The following CFAP46 variants were observed in gnomAD, a reference collection of about 807,000 sequenced individuals.
The protein encoded by CFAP46 is cilia- and flagella-associated protein 46.
CFAP46 carries 245 observed loss-of-function variants against 325.7 expected under a neutral mutation model. The observed-to-expected ratio is 0.75, with a 90% CI of 0.68 to 0.84. The LOEUF is 0.84. Ranked by LOEUF, CFAP46 falls within the 40% of genes least tolerant of loss-of-function variation. CFAP46 has a pLI of 0.00. For synonymous variants in CFAP46, 1,523 were observed against 1,495.9 expected (o/e 1.02, Z -0.42); for missense variants, 3,346 against 3,543.0 (o/e 0.94, Z 1.41).
intron 39 of CFAP46, among the ~76,000 whole-genome samples, chr10:132,856,848 T>C (rs192307228): frequency 1.3e-5 from 2 of 152,350 alleles, no homozygotes; most frequent in African/African-American, 4.8e-5. Flanking sequence ...TGTCTTCCTT[T>C]GGGGTCTGGT....
rs1849009583 is a variant in CFAP46 at position 132,879,643 on chromosome 10, G to T, written c.3800-12C>A. On this transcript the variant is annotated splice_polypyrimidine_tract_variant and intron_variant, in intron 28 of 57. Coordinates refer to ENST00000368586, the MANE Select transcript of CFAP46 (RefSeq NM_001200049.3). ...AGCCACGTACTCCCCTGAAACACGG[G>T]GTGCCCGAGGCTGAGAGCAGGCCCG... The T allele has an allele frequency of 2.1e-5, 31 of 1,498,610 alleles. No homozygotes were observed. The highest frequency in any genetic ancestry group is 2.6e-5 in the Non-Finnish European group (29 of 1,122,972). 92.8% of individuals were successfully genotyped at this position (1,498,610 alleles called of 1,614,324 possible). A position where few individuals can be genotyped will look rare whatever the true frequency, so the allele number is the denominator to read the frequency against.
chr10:132,811,103 G>C (rs1313489202), intron 55 of CFAP46, 72 bp from the exon 56 acceptor site: 6 of 1,353,156 alleles, frequency 4.4e-6, no homozygotes, highest in Non-Finnish European at 6.1e-6. Context: ...GTGGGCAGGT[G>C]GGGCCTGTGC....
chr10:132,855,454 G>C (rs923657396), intron 39 of CFAP46, among the ~76,000 whole-genome samples: 2 of 151,982 alleles, frequency 1.3e-5, no homozygotes, highest in Non-Finnish European at 2.9e-5. Flanking sequence ...CCCATAGTTG[G>C]GTTTTGCTTT....
At chr10:132,850,202 TG>T (rs1564777210) in intron 41 of CFAP46, 41 bp downstream of exon 41, 1 of 1,540,642 alleles carries the variant, frequency 6.5e-7, no homozygotes, top group African/African-American at 1.4e-5. Context: ...CACGGGTGAC[TG>T]GTGTTGGAGC....
intron 25 of CFAP46, among the ~76,000 whole-genome samples, chr10:132,891,661 A>G (rs764577500): frequency 2.0e-5 from 3 of 152,174 alleles, no homozygotes; most frequent in Non-Finnish European, 4.4e-5. Context: ...AGAATTAACC[A>G]AGAGTCTGGT....
intron 28 of CFAP46, among the ~76,000 whole-genome samples, chr10:132,879,920 C>G (rs966380221): frequency 4.6e-5 from 7 of 152,130 alleles, no homozygotes; most frequent in African/African-American, 1.7e-4. Flanking sequence ...GTCCTGGAAG[C>G]CTCATGAGCT....
rs779638365 is a variant in CFAP46 at position 132,814,875 on chromosome 10, T to A, written c.7157A>T (p.Lys2386Ile). The A allele has an allele frequency of 6.2e-7, 1 of 1,614,066 alleles. No individual in the cohort carries two copies. The highest frequency in any genetic ancestry group is 1.7e-5 in the Admixed American group (1 of 60,012). The stretch of plus-strand genomic sequence containing the variant: ...GCCCTTCTTCGCTAGGCTTCTCTTT[T>A]TGGGGTCTCTGCTTCTTCCCTCCTT... ...VKKEGRSRDPKKRSLAKKGRK... is the reference protein window; with the variant it reads ...VKKEGRSRDPIKRSLAKKGRK... The change falls in exon 51 of 58, where the codon AAA becomes ATA. Residue 2386 changes from lysine to isoleucine, a missense_variant. Lys to Ile is a moderately radical substitution (Grantham distance 102). Coordinates refer to ENST00000368586, the MANE Select transcript of CFAP46 (RefSeq NM_001200049.3).
chr10:132,846,750 C>T (rs892596455), intron 43 of CFAP46, among the ~76,000 whole-genome samples, 182 bp downstream of exon 43: 4 of 152,212 alleles, frequency 2.6e-5, no homozygotes, highest in African/African-American at 2.4e-5. Context: ...GATAAGCACA[C>T]GAATGCATGT....
intron 15 of CFAP46, 31 bp from the exon 16 acceptor site, chr10:132,918,551 G>A: frequency 2.0e-6 from 3 of 1,495,688 alleles, no homozygotes; most frequent in Non-Finnish European, 2.7e-6. Context: ...TAAGGATCAT[G>A]TTTTTTTCTA....
rs771152931 is a variant in CFAP46, at chr10:132,869,136, A to G, written c.4610+138T>C. 5 of 610,432 alleles carry G rather than the reference A, an allele frequency of 8.2e-6. No individual in the cohort carries two copies. Among genetic ancestry groups the G allele is most frequent in the Non-Finnish European group, 1.0e-5 (4 of 385,220 alleles). The allele number at this position is 610,432 out of a possible 1,614,324, so 37.8% of individuals were successfully genotyped here. Reference sequence around the variant, plus strand: ...AGCACGACCCAGGAGAACCGGCCACAGCCGTGTCCCCCAAGTGCTCACTCT... The same window carrying G: ...AGCACGACCCAGGAGAACCGGCCACGGCCGTGTCCCCCAAGTGCTCACTCT... On this transcript the variant is annotated intron_variant, in intron 33 of 57. Coordinates refer to ENST00000368586, the MANE Select transcript of CFAP46 (RefSeq NM_001200049.3). The surrounding 1 kb of genome is among the most constrained non-coding windows in gnomAD (Gnocchi z 6.2).
At position 132,832,001 on chromosome 10, in the gene CFAP46, G is replaced by A. The variant is rs960598012; in HGVS notation, c.7117+1357C>T. 3.9e-5 allele frequency among the ~76,000 whole-genome samples: 6 copies of A among 152,062 alleles called. No individual in the cohort carries two copies. Among genetic ancestry groups the A allele is most frequent in the African/African-American group, 1.5e-4 (6 of 41,362 alleles). On this transcript the variant is annotated intron_variant, in intron 50 of 57. Transcript: ENST00000368586. The surrounding 1 kb of genome is among the most constrained non-coding windows in gnomAD (Gnocchi z 4.1). ...GTAATATTATACCACTTTCTCCAGAGGATGGAGACTTTAAATACTTTGCTT... is the reference window on the plus strand; with the variant it reads ...GTAATATTATACCACTTTCTCCAGAAGATGGAGACTTTAAATACTTTGCTT...
chr10:132,835,267 G>T (rs774989393), intron 47 of CFAP46, 37 bp downstream of exon 47: 1 of 1,606,790 alleles, frequency 6.2e-7, no homozygotes. Flanking sequence ...GGAGCAGAGG[G>T]TCCCGGCTGG....
intron 22 of CFAP46, among the ~76,000 whole-genome samples, chr10:132,905,742 G>A (rs1236966403): frequency 6.6e-6 from 1 of 152,236 alleles, no homozygotes; most frequent in Non-Finnish European, 1.5e-5. Flanking sequence ...GAGACTTCCA[G>A]AGACACCTCT....
rs1564802072 is a variant in CFAP46 at position 132,922,718 on chromosome 10, T to C, written c.1257-10A>G. 18 of 1,541,342 alleles carry C rather than the reference T, an allele frequency of 1.2e-5. No individual in the cohort carries two copies. The highest frequency in any genetic ancestry group is 1.6e-5 in the Non-Finnish European group (18 of 1,140,102). On this transcript the variant is annotated splice_polypyrimidine_tract_variant and intron_variant, in intron 11 of 57. Transcript: ENST00000368586. ...GAGAAGCGTCATGAGGCTGCGGGGG[T>C]GGCGTGGCATCAGGGGCCCTGGCGG...
intron 41 of CFAP46, among the ~76,000 whole-genome samples, chr10:132,848,525 G>C (rs898618081): frequency 6.6e-6 from 1 of 151,876 alleles, no homozygotes; most frequent in Non-Finnish European, 1.5e-5. Context: ...TGAACACGGT[G>C]GGCTCCGAGG....
At chr10:132,940,278 C>T (rs1850076901) in intron 4 of CFAP46, among the ~76,000 whole-genome samples, 2 of 152,080 alleles carry the variant, frequency 1.3e-5, no homozygotes, top group South Asian at 2.1e-4. Context: ...ACATTGTATC[C>T]TATTTGAATA....
chr10:132,915,403 G>T (rs546088708), intron 17 of CFAP46, among the ~76,000 whole-genome samples: 28 of 152,370 alleles, frequency 1.8e-4, no homozygotes, highest in African/African-American at 6.3e-4. Context: ...ATCCCAAGAG[G>T]CCAAGACAAA....
At chr10:132,924,031 T>C (rs956319878) in intron 11 of CFAP46, among the ~76,000 whole-genome samples, 2 of 152,008 alleles carry the variant, frequency 1.3e-5, no homozygotes, top group Non-Finnish European at 1.5e-5. Flanking sequence ...AGAGTCAAGA[T>C]TGTGCTGACG....
rs1564770900 is a variant in CFAP46, at chr10:132,832,846, T to C, written c.7117+512A>G. Reference sequence around the variant, plus strand: ...GGCTGGCTGTTTACTACACATCTGGTCCCCTCCTTTGAAACAGGTATTTGT... The same window carrying C: ...GGCTGGCTGTTTACTACACATCTGGCCCCCTCCTTTGAAACAGGTATTTGT... On this transcript the variant is annotated intron_variant, in intron 50 of 57. Coordinates refer to ENST00000368586, the MANE Select transcript of CFAP46 (RefSeq NM_001200049.3). This position sits in a 1 kb window ranked among gnomAD's most constrained non-coding sequence, Gnocchi z 4.1. 6.4e-6 allele frequency: 3 copies of C among 469,846 alleles called. No individual in the cohort carries two copies. Among genetic ancestry groups the C allele is most frequent in the Admixed American group, 4.7e-5 (2 of 42,534 alleles). 29.1% of individuals were successfully genotyped at this position (469,846 alleles called of 1,614,324 possible).
Sources: allele counts gnomAD v4.1 joint callset (sites outside exome capture counted in the v4.1 genomes callset), GRCh38; gene constraint gnomAD v4.1.1; non-coding constraint Gnocchi (gnomAD v3.1); transcripts MANE v1.5; gene names NCBI Gene and HGNC (gene_info 2026-07-23, HGNC 2026-07-21).